The following PAPOLG variants were observed in gnomAD, a reference collection of about 807,000 sequenced individuals.
PAPOLG encodes the protein PAP-gamma.
In PAPOLG, 40 loss-of-function variants were observed where a neutral mutation model predicts 99.0. That is an observed-to-expected ratio of 0.40 (90% CI 0.31 to 0.53). The LOEUF (loss-of-function observed/expected upper bound fraction) is 0.53. Among genes scored for constraint, PAPOLG ranks in the 20% least tolerant of loss-of-function variants. PAPOLG has a pLI of 0.41. For missense variants in PAPOLG, 675 were observed against 884.1 expected (o/e 0.76, Z 3.00); for synonymous variants, 310 against 299.3 (o/e 1.04, Z -0.37).
At chr2:60,793,776 T>G (rs1416540040) in intron 18 of PAPOLG, 61 bp downstream of exon 18, 80 of 1,539,116 alleles carry the variant, frequency 5.2e-5, no homozygotes, top group Non-Finnish European at 6.9e-5. Flanking sequence ...CTAGGCATGG[T>G]GGCACACGCC....
intron 17 of PAPOLG, 148 bp from the exon 18 acceptor site, chr2:60,793,479 A>T: frequency 1.2e-6 from 1 of 821,292 alleles, no homozygotes; most frequent in Non-Finnish European, 1.9e-6. Context: ...TGGCAAAGTT[A>T]CTTGAGTCCA....
At chr2:60,778,926 T>C (rs758784115) in intron 8 of PAPOLG, among the ~76,000 whole-genome samples, 3 of 152,078 alleles carry the variant, frequency 2.0e-5, no homozygotes, top group Admixed American at 6.6e-5. Context: ...TAGATAGCTA[T>C]ATAAAAAACG....
At position 60,794,140 on chromosome 2, in the gene PAPOLG, C is replaced by T; in HGVS notation, c.1938C>T (p.Ser646=). ...CTAAGACTGTTACACCTAAGAGATC[C>T]CATTCCCCATCCATAGATGGGACTC... The part of the protein sequence containing the change: ...NITKTVTPKR[S]HSPSIDGTPK... The change falls in exon 19 of 22, where the codon TCC becomes TCT. Residue 646 remains serine, a synonymous_variant. Coordinates refer to ENST00000238714, the MANE Select transcript of PAPOLG (RefSeq NM_022894.4). 6.2e-7 allele frequency: 1 copy of T among 1,613,518 alleles called. No homozygotes were observed. The highest frequency in any genetic ancestry group is 8.5e-7 in the Non-Finnish European group (1 of 1,179,532).
chr2:60,777,689 G>A (rs926515320), intron 8 of PAPOLG, among the ~76,000 whole-genome samples: 1 of 152,086 alleles, frequency 6.6e-6, no homozygotes, highest in East Asian at 1.9e-4. Flanking sequence ...AGAGACATAC[G>A]ACTCTTTCTT....
intron 15 of PAPOLG, among the ~76,000 whole-genome samples, chr2:60,789,086 C>G (rs904069556): frequency 1.3e-5 from 2 of 151,530 alleles, no homozygotes; most frequent in Non-Finnish European, 1.5e-5. Flanking sequence ...AACAAAAAAC[C>G]AAACACCACA....
chr2:60,793,853 G>A, intron 18 of PAPOLG, 118 bp from the exon 19 acceptor site: 1 of 1,417,108 alleles, frequency 7.1e-7, no homozygotes, highest in African/African-American at 1.4e-5. Flanking sequence ...CAAGGCTGCA[G>A]TGAGCTGTGA....
Position 60,801,191 on chromosome 2 carries a change from C to T in PAPOLG, c.*4031C>T, listed in dbSNP as rs1671827494. 1.3e-5 allele frequency: 2 copies of T among 152,060 alleles called. No homozygotes were observed. The highest frequency in any genetic ancestry group is 4.8e-5 in the African/African-American group (2 of 41,356). The allele number at this position is 152,060 out of a possible 1,614,324, so 9.4% of individuals were successfully genotyped here. A position where few individuals can be genotyped will look rare whatever the true frequency, so the allele number is the denominator to read the frequency against. ...TAGCATGAAAACTCTCTTGCTCCTC[C>T]ATGTTTGTAGTTCAGGCCAGAACAA... On this transcript the variant is annotated 3_prime_UTR_variant, in exon 22 of 22. Coordinates refer to ENST00000238714, the MANE Select transcript of PAPOLG (RefSeq NM_022894.4).
chr2:60,765,133 A>G (rs1670635196), intron 3 of PAPOLG, among the ~76,000 whole-genome samples: 1 of 151,938 alleles, frequency 6.6e-6, no homozygotes. Context: ...GGCATGCATA[A>G]TCATGGCTCA....
chr2:60,792,370 C>A, intron 17 of PAPOLG, 81 bp downstream of exon 17: 2 of 1,249,258 alleles, frequency 1.6e-6, no homozygotes, highest in Non-Finnish European at 2.3e-6. Flanking sequence ...TATACCTCTG[C>A]TACTGCCTTT....
intron 3 of PAPOLG, among the ~76,000 whole-genome samples, chr2:60,766,492 C>A (rs1225347075): frequency 6.6e-6 from 1 of 152,012 alleles, no homozygotes; most frequent in Non-Finnish European, 1.5e-5. Flanking sequence ...AGCAAGACCC[C>A]ATCTTTACAA....
At chr2:60,785,385 C>T (rs569157728) in intron 13 of PAPOLG, among the ~76,000 whole-genome samples, 2 of 152,230 alleles carry the variant, frequency 1.3e-5, no homozygotes, top group Non-Finnish European at 2.9e-5. Context: ...GATGCACCCA[C>T]CTTGGCCTCC....
At position 60,783,500 on chromosome 2, in the gene PAPOLG, C is replaced by CTTTTTT. The variant is rs761205449; in HGVS notation, c.1166+314_1166+319dup. 4.8e-4 allele frequency among the ~76,000 whole-genome samples: 22 copies of CTTTTTT among 45,364 alleles called. 2 individuals are homozygous for CTTTTTT. The highest frequency in any genetic ancestry group is 6.7e-4 in the Non-Finnish European group (15 of 22,472). The allele number at this position is 45,364 out of a possible 152,430, so 29.8% of individuals were successfully genotyped here. On this transcript the variant is annotated intron_variant, in intron 13 of 21. Coordinates refer to ENST00000238714, the MANE Select transcript of PAPOLG (RefSeq NM_022894.4). ...ACAGGCCTGAGCCACTTTACCCGGC[C>CTTTTTT]TTTTTTTTTTTTTTTTTTTTTTTTT...
chr2:60,781,596 T>C (rs904430648), intron 10 of PAPOLG, among the ~76,000 whole-genome samples: 14 of 152,206 alleles, frequency 9.2e-5, no homozygotes, highest in African/African-American at 3.4e-4. Flanking sequence ...CTTTTTGTAG[T>C]TATAATACTG....
rs1332974311 is a variant in PAPOLG at position 60,758,422 on chromosome 2, A to G, written c.18-1712A>G. On this transcript the variant is annotated intron_variant, in intron 1 of 21. Coordinates refer to ENST00000238714, the MANE Select transcript of PAPOLG (RefSeq NM_022894.4). Reference sequence around the variant, plus strand: ...TCTTTCTCCCTCTCTGCCTAATGAGATTTTTTTTTTTTTTTTTTTTTTGAG... The same window carrying G: ...TCTTTCTCCCTCTCTGCCTAATGAGGTTTTTTTTTTTTTTTTTTTTTTGAG... 3.6e-4 allele frequency among the ~76,000 whole-genome samples: 25 copies of G among 70,074 alleles called. No individual in the cohort carries two copies. In the South Asian group the frequency reaches 0.012, roughly 32 times the overall value. 46.0% of individuals were successfully genotyped at this position (70,074 alleles called of 152,430 possible).
intron 17 of PAPOLG, among the ~76,000 whole-genome samples, chr2:60,792,579 A>G (rs1043593853): frequency 2.6e-5 from 4 of 152,132 alleles, no homozygotes; most frequent in African/African-American, 9.7e-5. Context: ...TAGTTCAATG[A>G]AATGTTAAAG....
intron 2 of PAPOLG, among the ~76,000 whole-genome samples, chr2:60,761,533 G>A (rs1052990194): frequency 2.0e-5 from 3 of 152,060 alleles, no homozygotes; most frequent in African/African-American, 7.2e-5. Flanking sequence ...CTAAAATACT[G>A]TAATCAGATT....
At chr2:60,783,323 T>TA (rs1671251957) in intron 13 of PAPOLG, 114 bp downstream of exon 13, 9 of 288,830 alleles carry the variant, frequency 3.1e-5, no homozygotes, top group Non-Finnish European at 4.9e-5. Context: ...TTATTATATC[T>TA]CTTTTTTTTT....
chr2:60,765,390 CTTT>C (rs397743711), intron 3 of PAPOLG, among the ~76,000 whole-genome samples: 1 of 132,484 alleles, frequency 7.5e-6, no homozygotes, highest in Non-Finnish European at 1.6e-5. Context: ...CTATAATTCT[CTTT>C]TTTTTTTTTT....
chr2:60,775,247 T>C, intron 8 of PAPOLG, 124 bp downstream of exon 8: 1 of 1,129,350 alleles, frequency 8.9e-7, no homozygotes, highest in Non-Finnish European at 1.2e-6. Context: ...CAATAAACTC[T>C]GTAATAGCTA....
Sources: gnomAD v4.1 joint callset for allele counts (sites outside exome capture counted in the v4.1 genomes callset) on GRCh38, gnomAD v4.1.1 for gene constraint, MANE v1.5 for transcripts, NCBI Gene and HGNC (gene_info 2026-07-23, HGNC 2026-07-21) for gene names.